RAB27A: variants seen among roughly 807,000 people sequenced by gnomAD.
RAB27A encodes the protein RAB27A, member RAS oncogene family.
Under a neutral mutation model 20.8 loss-of-function variants are expected in RAB27A, and 17 were observed. The ratio of observed to expected loss-of-function variants is 0.82; its 90% CI spans 0.56 to 1.23. The LOEUF (loss-of-function observed/expected upper bound fraction) is 1.23. Ranked by LOEUF, RAB27A falls within the 50% of genes most tolerant of loss-of-function variation. RAB27A has a pLI of 0.00. For synonymous variants in RAB27A, 85 were observed against 92.8 expected (o/e 0.92, Z 0.48); for missense variants, 277 against 266.7 (o/e 1.04, Z -0.27).
chr15:55,208,226 T>A (rs1396257490), intron 6 of RAB27A, among the ~76,000 whole-genome samples: 3 of 152,192 alleles, frequency 2.0e-5, no homozygotes, highest in African/African-American at 7.2e-5. Flanking sequence ...AAAAACCAAC[T>A]TGTATGATAC....
chr15:55,209,888 A>G (rs945812143), intron 6 of RAB27A, among the ~76,000 whole-genome samples: 2 of 118,706 alleles, frequency 1.7e-5, no homozygotes, highest in Non-Finnish European at 1.6e-5. Context: ...GTGTGTGTAT[A>G]CATATATACA....
chr15:55,253,174 G>C (rs1007243587), intron 2 of RAB27A, among the ~76,000 whole-genome samples: 1 of 149,276 alleles, frequency 6.7e-6, no homozygotes, highest in Non-Finnish European at 1.5e-5. Flanking sequence ...ATGGCCAGGC[G>C]TGGTGGCTCA....
At chr15:55,228,887 G>C (rs1403915134) in intron 4 of RAB27A, among the ~76,000 whole-genome samples, 175 bp from the exon 5 acceptor site, 1 of 152,202 alleles carries the variant, frequency 6.6e-6, no homozygotes, top group African/African-American at 2.4e-5. Flanking sequence ...AGTGTTAACA[G>C]ACCATGTGAT....
At chr15:55,237,222 C>T (rs546922485) in intron 2 of RAB27A, 1 of 152,240 alleles carries the variant, frequency 6.6e-6, no homozygotes, top group South Asian at 2.1e-4. Flanking sequence ...AGGACTATTT[C>T]TATATATCCA....
intron 2 of RAB27A, among the ~76,000 whole-genome samples, chr15:55,254,563 T>G (rs1359034229): frequency 1.3e-5 from 2 of 152,206 alleles, no homozygotes; most frequent in African/African-American, 4.8e-5. Context: ...TATACATTCC[T>G]TTAGCTCTTA....
chr15:55,315,385 T>C (rs955180488), intron 1 of RAB27A, among the ~76,000 whole-genome samples: 2 of 152,068 alleles, frequency 1.3e-5, no homozygotes, highest in Admixed American at 1.3e-4. Context: ...CAAAAAGCAA[T>C]TGCAACAAAA....
chr15:55,262,898 G>A (rs1413997892), intron 2 of RAB27A, among the ~76,000 whole-genome samples: 1 of 152,096 alleles, frequency 6.6e-6, no homozygotes, highest in African/African-American at 2.4e-5. Context: ...TGTTAAGAAT[G>A]ACATTTGCTG....
At chr15:55,301,909 G>C (rs550621779) in intron 2 of RAB27A, among the ~76,000 whole-genome samples, 1 of 152,076 alleles carries the variant, frequency 6.6e-6, no homozygotes, top group South Asian at 2.1e-4. Flanking sequence ...GCCTCCCAAA[G>C]CATTGGGATT....
chr15:55,288,061 AC>A (rs1195090627), intron 1 of RAB27A, among the ~76,000 whole-genome samples: 1 of 152,192 alleles, frequency 6.6e-6, no homozygotes, highest in East Asian at 1.9e-4. Flanking sequence ...TTGAAGTCAG[AC>A]CCCCTGCCTC....
intron 1 of RAB27A, among the ~76,000 whole-genome samples, chr15:55,280,322 T>A (rs1035591354): frequency 4.6e-5 from 7 of 152,050 alleles, no homozygotes; most frequent in South Asian, 4.2e-4. Context: ...AGCCTGAGTT[T>A]ACTCAGGCTG....
intron 3 of RAB27A, 152 bp downstream of exon 3, chr15:55,234,630 A>G (rs1466935932): frequency 7.4e-6 from 6 of 812,102 alleles, no homozygotes; most frequent in Non-Finnish European, 2.0e-6. Flanking sequence ...CTTTTCAATC[A>G]TGTTGCCTGG....
rs1938760107 is a variant in RAB27A, at chr15:55,205,597, G to A, written c.576C>T (p.Ser192=). Residue 192 remains serine, a synonymous_variant, in exon 7 of 7, where the codon TCC becomes TCT. Coordinates refer to ENST00000336787, the MANE Select transcript of RAB27A (RefSeq NM_183235.3). ...ATCGCACCACTCCTTCAGGAATCCA[G>A]GACTTGTCCACACACCGTTCCATTC... is the stretch of plus-strand genomic sequence containing the variant. ...MKRMERCVDK[S]WIPEGVVRSN... The A allele has an allele frequency of 6.2e-7, 1 of 1,614,118 alleles. No homozygotes were observed.
intron 2 of RAB27A, among the ~76,000 whole-genome samples, chr15:55,306,867 A>G (rs1421874190): frequency 6.6e-6 from 1 of 152,152 alleles, no homozygotes; most frequent in Admixed American, 6.5e-5. Context: ...AGAAAAATAC[A>G]ATAAGGGAGG....
At chr15:55,317,605 G>A (rs1419359024) in intron 1 of RAB27A, 7 of 396,252 alleles carry the variant, frequency 1.8e-5, no homozygotes, top group Admixed American at 4.4e-5. Flanking sequence ...GAGCCACTGC[G>A]CCAGGCCTAA....
At position 55,256,697 on chromosome 15, in the gene RAB27A, G is replaced by A. The variant is rs182376480; in HGVS notation, c.-23+13468C>T. Among the ~76,000 whole-genome samples, 3 of 152,316 alleles carry A rather than the reference G, an allele frequency of 2.0e-5. No individual in the cohort carries two copies. The East Asian group carries it at 5.8e-4, about 29-fold the overall frequency. ...TTATGAGGTAATGTGACAAATTGAGGAGAGCAGGACGACTAATCCATTGGT... is the reference window on the plus strand; with the variant it reads ...TTATGAGGTAATGTGACAAATTGAGAAGAGCAGGACGACTAATCCATTGGT... On this transcript the variant is annotated intron_variant, in intron 2 of 6. Transcript: ENST00000336787.
At chr15:55,311,195 A>G (rs183212984) in intron 2 of RAB27A, among the ~76,000 whole-genome samples, 72 of 152,330 alleles carry the variant, frequency 4.7e-4, no homozygotes, top group Non-Finnish European at 9.4e-4. Context: ...ATTTGGAGCT[A>G]GTGTCTGATT....
intron 2 of RAB27A, among the ~76,000 whole-genome samples, chr15:55,239,216 G>T (rs1044130634): frequency 6.6e-6 from 1 of 152,166 alleles, no homozygotes; most frequent in South Asian, 2.1e-4. Context: ...CTGGAAACTA[G>T]TTTGATAACT....
intron 2 of RAB27A, among the ~76,000 whole-genome samples, chr15:55,241,257 C>T (rs2141007812): frequency 6.6e-6 from 1 of 152,174 alleles, no homozygotes; most frequent in South Asian, 2.1e-4. Context: ...TGCTGTCTAC[C>T]TCAAGGAAAT....
intron 2 of RAB27A, among the ~76,000 whole-genome samples, chr15:55,267,706 G>A (rs1266696038): frequency 6.6e-6 from 1 of 152,182 alleles, no homozygotes; most frequent in Non-Finnish European, 1.5e-5. Context: ...AATAGCAAAA[G>A]ATGAGCAGAT....
Sources: allele counts gnomAD v4.1 joint callset (sites outside exome capture counted in the v4.1 genomes callset), GRCh38; gene constraint gnomAD v4.1.1; transcripts MANE v1.5; gene names NCBI Gene and HGNC (gene_info 2026-07-23, HGNC 2026-07-21).